FHIT: variants seen among roughly 807,000 people sequenced by gnomAD.
The protein encoded by FHIT is fragile histidine triad diadenosine triphosphatase.
In FHIT, 19 loss-of-function variants were observed where a neutral mutation model predicts 17.9. That is an observed-to-expected ratio of 1.06 (90% CI 0.74 to 1.56). The LOEUF (loss-of-function observed/expected upper bound fraction) is 1.56, where lower values mean the gene tolerates loss of function less well. FHIT is among the 40% of genes most tolerant of loss of function. The pLI is 0.00. For missense variants in FHIT, 248 were observed against 189.2 expected, an observed-to-expected ratio of 1.31 and a Z score of -1.82; for synonymous variants, 81 against 69.7, an observed-to-expected ratio of 1.16 and a Z score of -0.81.
At chr3:59,838,979 G>C (rs1559649899) in intron 8 of FHIT, among the ~76,000 whole-genome samples, 1 of 151,170 alleles carries the variant, frequency 6.6e-6, no homozygotes, top group African/African-American at 2.4e-5. Flanking sequence ...CTTTACTTAG[G>C]AAAAAAAAGA....
At chr3:60,560,844 CAGAG>C (rs1553651340) in intron 4 of FHIT, among the ~76,000 whole-genome samples, 4 of 122,262 alleles carry the variant, frequency 3.3e-5, no homozygotes, top group African/African-American at 9.4e-5. Flanking sequence ...CACACACACA[CAGAG>C]AGAGAGAGAG....
chr3:59,959,507 G>A (rs75345302), intron 7 of FHIT, among the ~76,000 whole-genome samples: 1,534 of 152,268 alleles, frequency 0.01, 27 homozygotes, highest in African/African-American at 0.035. Context: ...TGAAGCATGT[G>A]GCAATACTAT....
chr3:60,206,509 C>T (rs1703199240), intron 5 of FHIT, among the ~76,000 whole-genome samples: 1 of 151,806 alleles, frequency 6.6e-6, no homozygotes, highest in Non-Finnish European at 1.5e-5. Flanking sequence ...ACTTAACATG[C>T]CAGAAAAAAA....
At position 60,227,427 on chromosome 3, in the gene FHIT, T is replaced by G. The variant is rs1262442932; in HGVS notation, c.104-213275A>C. On this transcript the variant is annotated intron_variant, in intron 5 of 9. Transcript: ENST00000492590. ...AGGAAGTGAAGAAATGAAAGCTTCC[T>G]GAATCTGGCCAGCTAAATAGCTTGA... Among the ~76,000 whole-genome samples the G allele has an allele frequency of 2.0e-5, 3 of 152,214 alleles. No individual in the cohort carries two copies. The East Asian group carries it at 5.8e-4, about 29-fold the overall frequency.
chr3:60,653,967 T>G (rs2040057423), intron 4 of FHIT, among the ~76,000 whole-genome samples: 1 of 152,182 alleles, frequency 6.6e-6, no homozygotes. Context: ...TGGGGACAGA[T>G]CCCTCATAAA....
chr3:60,155,235 A>C (rs146992838), intron 5 of FHIT, among the ~76,000 whole-genome samples: 93 of 151,754 alleles, frequency 6.1e-4, no homozygotes, highest in African/African-American at 2.2e-3. Context: ...ATAAAGTGTG[A>C]AACAGAAAAT....
chr3:60,474,036 G>T (rs2033222093), intron 5 of FHIT, among the ~76,000 whole-genome samples: 1 of 151,942 alleles, frequency 6.6e-6, no homozygotes, highest in Non-Finnish European at 1.5e-5. Flanking sequence ...CTCAGAACTA[G>T]AAAAAAAGAC....
intron 5 of FHIT, among the ~76,000 whole-genome samples, chr3:60,313,068 G>T (rs933798849): frequency 6.6e-6 from 1 of 152,176 alleles, no homozygotes; most frequent in Non-Finnish European, 1.5e-5. Context: ...AGGTCATCTT[G>T]CTTGAGAGTG....
intron 7 of FHIT, among the ~76,000 whole-genome samples, chr3:59,945,302 G>T (rs778578799): frequency 1.3e-5 from 2 of 152,118 alleles, no homozygotes; most frequent in South Asian, 4.1e-4. Context: ...TCATCTGCTT[G>T]TTGGCCTCAT....
chr3:60,272,228 AT>A (rs954280860), intron 5 of FHIT, among the ~76,000 whole-genome samples: 8 of 152,246 alleles, frequency 5.3e-5, no homozygotes, highest in Non-Finnish European at 8.8e-5. Flanking sequence ...TATTTATACA[AT>A]TAACTCCAAT....
intron 5 of FHIT, among the ~76,000 whole-genome samples, chr3:60,251,559 C>T (rs1382862580): frequency 3.3e-5 from 5 of 152,170 alleles, no homozygotes; most frequent in Non-Finnish European, 5.9e-5. Context: ...AAAAATTGTA[C>T]TTCCAGTGTT....
At chr3:61,127,861 C>T (rs775368892) in intron 2 of FHIT, among the ~76,000 whole-genome samples, 3 of 151,734 alleles carry the variant, frequency 2.0e-5, no homozygotes, top group Non-Finnish European at 4.4e-5. Flanking sequence ...CAGAGCAAGA[C>T]TCTGTCTGAA....
At chr3:59,958,378 T>C (rs1175472433) in intron 7 of FHIT, among the ~76,000 whole-genome samples, 3 of 152,122 alleles carry the variant, frequency 2.0e-5, no homozygotes, top group African/African-American at 7.2e-5. Flanking sequence ...AATCACCAAG[T>C]TGATTATTGC....
chr3:60,687,240 T>C (rs1233864090), intron 4 of FHIT, among the ~76,000 whole-genome samples: 1 of 152,180 alleles, frequency 6.6e-6, no homozygotes, highest in Non-Finnish European at 1.5e-5. Context: ...ATTTATTAAT[T>C]CATTAGTTTT....
chr3:60,491,886 A>T (rs1438756063), intron 5 of FHIT, among the ~76,000 whole-genome samples: 1 of 152,142 alleles, frequency 6.6e-6, no homozygotes, highest in Admixed American at 6.6e-5. Context: ...ATTTGATTTA[A>T]TATTTGTATT....
At chr3:60,475,658 C>A (rs1028205083) in intron 5 of FHIT, among the ~76,000 whole-genome samples, 1 of 152,128 alleles carries the variant, frequency 6.6e-6, no homozygotes, top group African/African-American at 2.4e-5. Flanking sequence ...GGCCAATCAG[C>A]CAACTTGCTC....
At chr3:59,866,023 C>T (rs1702631335) in intron 8 of FHIT, among the ~76,000 whole-genome samples, 1 of 152,126 alleles carries the variant, frequency 6.6e-6, no homozygotes, top group Non-Finnish European at 1.5e-5. Context: ...TAAAGTAACT[C>T]ATTAATTCAA....
chr3:60,698,143 T>A (rs182912004), intron 4 of FHIT, among the ~76,000 whole-genome samples: 278 of 152,320 alleles, frequency 1.8e-3, no homozygotes, highest in Non-Finnish European at 3.1e-3. Flanking sequence ...AGTCTTTTTT[T>A]CCTATCCATC....
intron 3 of FHIT, among the ~76,000 whole-genome samples, chr3:60,842,095 T>C (rs546395859): frequency 5.9e-5 from 9 of 152,070 alleles, no homozygotes; most frequent in Admixed American, 3.3e-4. Flanking sequence ...TCCTAGAGAG[T>C]AGTTCCCAAA....
Sources: allele counts gnomAD v4.1 joint callset (sites outside exome capture counted in the v4.1 genomes callset), GRCh38; gene constraint gnomAD v4.1.1; transcripts MANE v1.5; gene names NCBI Gene and HGNC (gene_info 2026-07-23, HGNC 2026-07-21).